Variants in DNAAF3 observed in about 807,000 individuals in gnomAD.
DNAAF3 encodes dynein axonemal assembly factor 3, also known as UPF0470 protein C19orf51.
In DNAAF3, 40 loss-of-function variants were observed where a neutral mutation model predicts 50.9. The observed-to-expected ratio is 0.79, with a 90% CI of 0.61 to 1.02. The LOEUF is 1.02. DNAAF3 is among the 50% of genes least tolerant of loss of function. DNAAF3 has a pLI of 0.00. For synonymous variants in DNAAF3, 327 were observed against 322.8 expected, an observed-to-expected ratio of 1.01 and a Z score of -0.14; for missense variants, 763 against 744.7, an observed-to-expected ratio of 1.02 and a Z score of -0.29.
intron 3 of DNAAF3, 138 bp downstream of exon 3, chr19:55,165,720 G>A (rs929916149): frequency 3.5e-6 from 5 of 1,429,956 alleles, no homozygotes; most frequent in East Asian, 2.5e-5. Flanking sequence ...AAGACGCATC[G>A]GTTCGCTCCC....
chr19:55,159,192 C>T lies in DNAAF3; in HGVS notation c.1496G>A (p.Gly499Asp), dbSNP rs199690352. 1 of 1,613,930 alleles carries T rather than the reference C, an allele frequency of 6.2e-7. No homozygotes were observed. Among genetic ancestry groups the T allele is most frequent in the East Asian group, 2.2e-5 (1 of 44,876 alleles). Residue 499 changes from glycine to aspartate, a missense_variant, in exon 12 of 12, where the codon GGT becomes GAT. By Grantham distance (94) the Gly-to-Asp change is moderately conservative. Coordinates refer to ENST00000524407, the MANE Select transcript of DNAAF3 (RefSeq NM_001256715.2). ...ALEGLTQPLQ[G>D]GTPHCEPCQL... is the part of the protein sequence containing the mutation. ...GCAGGGCTCACAGTGTGGGGTCCCA[C>T]CCTGCAGAGGCTGGGTCAGGCCCTC...
intron 4 of DNAAF3, chr19:55,162,879 ACT>A (rs779906402): frequency 5.6e-6 from 1 of 178,094 alleles, no homozygotes; most frequent in Non-Finnish European, 1.1e-5. Flanking sequence ...ATCATAGTTC[ACT>A]GTTACCTCGA....
rs2085800231 is a variant in DNAAF3 at position 55,160,382 on chromosome 19, G to T, written c.1048+258C>A. ...AGGGTGTGGGAGGCTGTCCAAGGGG[G>T]AGCTGGGACCCAGCACCCTGTGAGA... On this transcript the variant is annotated intron_variant, in intron 9 of 11. Coordinates refer to ENST00000524407, the MANE Select transcript of DNAAF3 (RefSeq NM_001256715.2). This position sits in a 1 kb window ranked among gnomAD's most constrained non-coding sequence, Gnocchi z 4.7. 6.6e-6 allele frequency among the ~76,000 whole-genome samples: 1 copy of T among 152,208 alleles called. No homozygotes were observed. The highest frequency in any genetic ancestry group is 1.5e-5 in the Non-Finnish European group (1 of 68,024).
At chr19:55,164,093 G>A (rs2085893301) in intron 4 of DNAAF3, among the ~76,000 whole-genome samples, 1 of 152,144 alleles carries the variant, frequency 6.6e-6, no homozygotes, top group Non-Finnish European at 1.5e-5. Context: ...ACAGATGCCT[G>A]CATCCCCTTC....
chr19:55,158,881 G>T lies in DNAAF3; in HGVS notation c.*181C>A. On this transcript the variant is annotated 3_prime_UTR_variant, in exon 12 of 12. Transcript: ENST00000524407. ...TCTAGAATTCTAGGAATAGACCATA[G>T]AATCTCAGAAATGGAATTTGAAAGT... The T allele has an allele frequency of 1.5e-6, 1 of 649,268 alleles. No homozygotes were observed. The allele number at this position is 649,268 out of a possible 1,614,324, so 40.2% of individuals were successfully genotyped here. A position where few individuals can be genotyped will look rare whatever the true frequency, so the allele number is the denominator to read the frequency against.
Position 55,166,063 on chromosome 19 carries a change from C to T in DNAAF3, c.86-63G>A. 6.2e-7 allele frequency: 1 copy of T among 1,613,168 alleles called. No individual in the cohort carries two copies. The highest frequency in any genetic ancestry group is 8.5e-7 in the Non-Finnish European group (1 of 1,179,676). On this transcript the variant is annotated intron_variant, in intron 2 of 11. Coordinates refer to ENST00000524407, the MANE Select transcript of DNAAF3 (RefSeq NM_001256715.2). The surrounding 1 kb of genome is among the most constrained non-coding windows in gnomAD (Gnocchi z 4.0). Reference sequence around the variant, plus strand: ...TGGCAGAGCGTCCACCGTAGCATCCCCTATAAAAAATGGACTACAAATCCC... The same window carrying T: ...TGGCAGAGCGTCCACCGTAGCATCCTCTATAAAAAATGGACTACAAATCCC...
rs1163498903 is a variant in DNAAF3 at position 55,161,824 on chromosome 19, A to C, written c.482T>G (p.Phe161Cys). The change falls in exon 6 of 12, where the codon TTC (phenylalanine) becomes TGC (cysteine). Residue 161 changes from phenylalanine to cysteine, a missense_variant and splice_region_variant. Transcript: ENST00000524407. The surrounding 1 kb of genome is among the most constrained non-coding windows in gnomAD (Gnocchi z 6.4). ...LPWLSLRALK[F>C]RERDALEAVF... Reference sequence around the variant, plus strand: ...GGCCTCCAGGGCATCCCGCTCGCGGAACTGCGGGGCCAGGCACGCGGTGGG... The same window carrying C: ...GGCCTCCAGGGCATCCCGCTCGCGGCACTGCGGGGCCAGGCACGCGGTGGG... The C allele has an allele frequency of 2.8e-6, 4 of 1,436,016 alleles. No individual in the cohort carries two copies. Among genetic ancestry groups the C allele is most frequent in the Admixed American group, 2.7e-5 (1 of 37,074 alleles). 89.0% of individuals were successfully genotyped at this position (1,436,016 alleles called of 1,614,324 possible).
Position 55,159,466 on chromosome 19 carries a change from C to T in DNAAF3, c.1239-17G>A. 1 of 1,611,204 alleles carries T rather than the reference C, an allele frequency of 6.2e-7. No homozygotes were observed. The highest frequency in any genetic ancestry group is 8.5e-7 in the Non-Finnish European group (1 of 1,177,836). On this transcript the variant is annotated splice_polypyrimidine_tract_variant and intron_variant, in intron 11 of 11. Coordinates refer to ENST00000524407, the MANE Select transcript of DNAAF3 (RefSeq NM_001256715.2). Reference sequence around the variant, plus strand: ...ACCAGGTACCTGCAGATGGGAAGCGCCCTGTCAGGGACCCAGATTTTGATC... The same window carrying T: ...ACCAGGTACCTGCAGATGGGAAGCGTCCTGTCAGGGACCCAGATTTTGATC...
In DNAAF3 at chr19:55,160,604, G is replaced by C. The variant is rs759891446; in HGVS notation, c.1048+36C>G. ...TCCAGTGTGAAACACCTGGAGGCTG[G>C]AGTCCCTGGCTTACCTGTTGTTGTC... On this transcript the variant is annotated intron_variant, in intron 9 of 11. Transcript: ENST00000524407. This position sits in a 1 kb window ranked among gnomAD's most constrained non-coding sequence, Gnocchi z 4.7. 17 of 1,612,380 alleles carry C rather than the reference G, an allele frequency of 1.1e-5. No individual in the cohort carries two copies. Among genetic ancestry groups the C allele is most frequent in the Non-Finnish European group, 1.4e-5 (17 of 1,179,878 alleles).
chr19:55,162,549 G>A, intron 4 of DNAAF3: 1 of 865,748 alleles, frequency 1.2e-6, no homozygotes, highest in Non-Finnish European at 1.5e-6. Context: ...TCATGCCATT[G>A]CACTCCAGCC....
chr19:55,165,101 C>T (rs1331014482), intron 4 of DNAAF3, among the ~76,000 whole-genome samples: 5 of 141,052 alleles, frequency 3.5e-5, no homozygotes, highest in Admixed American at 7.5e-5. Context: ...GCGATCTCAG[C>T]TCACTGCAAG....
chr19:55,158,897 A>C lies in DNAAF3; in HGVS notation c.*165T>G. The C allele has an allele frequency of 1.4e-6, 1 of 698,548 alleles. No homozygotes were observed. The highest frequency in any genetic ancestry group is 2.3e-6 in the Non-Finnish European group (1 of 441,672). 43.3% of individuals were successfully genotyped at this position (698,548 alleles called of 1,614,324 possible). On this transcript the variant is annotated 3_prime_UTR_variant, in exon 12 of 12. Transcript: ENST00000524407. ...TAGACCATAGAATCTCAGAAATGGA[A>C]TTTGAAAGTCTACCAACACTCCCGG...
In DNAAF3 at chr19:55,160,138, C is replaced by T. The variant is rs2085796678; in HGVS notation, c.1049-125G>A. On this transcript the variant is annotated intron_variant, in intron 9 of 11. Coordinates refer to ENST00000524407, the MANE Select transcript of DNAAF3 (RefSeq NM_001256715.2). This position sits in a 1 kb window ranked among gnomAD's most constrained non-coding sequence, Gnocchi z 4.7. ...AGGACTTGGAGATAACACTTTTTGT[C>T]CTCTTGCAGCTTTTTAAAAAATCCT... 4.4e-6 allele frequency: 3 copies of T among 682,186 alleles called. No individual in the cohort carries two copies. Among genetic ancestry groups the T allele is most frequent in the South Asian group, 3.5e-5 (2 of 57,084 alleles). The allele number at this position is 682,186 out of a possible 1,614,324, so 42.3% of individuals were successfully genotyped here. A position where few individuals can be genotyped will look rare whatever the true frequency, so the allele number is the denominator to read the frequency against.
rs1362483577 is a variant in DNAAF3 at position 55,161,652 on chromosome 19, A to G, written c.654T>C (p.His218=). 1 of 1,537,244 alleles carries G rather than the reference A, an allele frequency of 6.5e-7. No individual in the cohort carries two copies. Among genetic ancestry groups the G allele is most frequent in the South Asian group, 1.2e-5 (1 of 83,870 alleles). ...CTCCTGGGCCCCTCACCCCGCGGTCATGCAGCTTCATGCGCAGGTCCCAGT... is the reference window on the plus strand; with the variant it reads ...CTCCTGGGCCCCTCACCCCGCGGTCGTGCAGCTTCATGCGCAGGTCCCAGT... ...VSDWDLRMKL[H]DRGAQVIHPQ... is the part of the protein sequence containing the mutation. The change falls in exon 6 of 12, where the codon CAT becomes CAC. Residue 218 remains histidine (H), a synonymous_variant. Coordinates refer to ENST00000524407, the MANE Select transcript of DNAAF3 (RefSeq NM_001256715.2). The surrounding 1 kb of genome is among the most constrained non-coding windows in gnomAD (Gnocchi z 6.4).
Position 55,166,185 on chromosome 19 carries a change from C to G in DNAAF3, c.85+144G>C, listed in dbSNP as rs2085935762. The G allele has an allele frequency of 6.5e-7, 1 of 1,548,594 alleles. No homozygotes were observed. Among genetic ancestry groups the G allele is most frequent in the Non-Finnish European group, 8.7e-7 (1 of 1,147,474 alleles). On this transcript the variant is annotated intron_variant, in intron 2 of 11. Coordinates refer to ENST00000524407, the MANE Select transcript of DNAAF3 (RefSeq NM_001256715.2). This position sits in a 1 kb window ranked among gnomAD's most constrained non-coding sequence, Gnocchi z 4.0. ...CGCAGACAGGACCTCGGGGCTGCCC[C>G]TGGGAGCGCGCCCTCTGCCGCTGGA...
In DNAAF3 at chr19:55,166,290, A is replaced by G; in HGVS notation, c.85+39T>C. 1.2e-6 allele frequency: 2 copies of G among 1,605,278 alleles called. No homozygotes were observed. The highest frequency in any genetic ancestry group is 2.2e-5 in the East Asian group (1 of 44,628). On this transcript the variant is annotated intron_variant, in intron 2 of 11. Coordinates refer to ENST00000524407, the MANE Select transcript of DNAAF3 (RefSeq NM_001256715.2). This position sits in a 1 kb window ranked among gnomAD's most constrained non-coding sequence, Gnocchi z 4.0. ...AAAAGGCCGTCTGCTCAGGCTGGGA[A>G]GGCAGACGGTGTATCAGACCTTGCG...
intron 10 of DNAAF3, 44 bp downstream of exon 10, chr19:55,159,855 G>C (rs2085788594): frequency 6.3e-7 from 1 of 1,599,360 alleles, no homozygotes; most frequent in Admixed American, 1.7e-5. Flanking sequence ...GGGGCTGGGG[G>C]CCTGATCCTG....
In DNAAF3 at chr19:55,159,970, G is replaced by A. The variant is rs375488463; in HGVS notation, c.1092C>T (p.Leu364=). Reference sequence around the variant, plus strand: ...TGTGGTGGAGAGTCTGAGCAGAATTGAGCGGCAGGAAGTGGACGGTGAAAG... The same window carrying A: ...TGTGGTGGAGAGTCTGAGCAGAATTAAGCGGCAGGAAGTGGACGGTGAAAG... ...PESFTVHFLP[L]NSAQTLHHKS... Residue 364 remains leucine (L), a synonymous_variant, in exon 10 of 12, where the codon CTC becomes CTT. Transcript: ENST00000524407. The A allele has an allele frequency of 6.2e-7, 1 of 1,613,962 alleles. No individual in the cohort carries two copies. The highest frequency in any genetic ancestry group is 8.5e-7 in the Non-Finnish European group (1 of 1,180,008).
intron 10 of DNAAF3, 128 bp downstream of exon 10, chr19:55,159,771 G>A: frequency 1.0e-6 from 1 of 983,268 alleles, no homozygotes; most frequent in Non-Finnish European, 1.2e-6. Context: ...TGAGGGAGGA[G>A]GGGCTGGGGG....
Sources: allele counts gnomAD v4.1 joint callset (sites outside exome capture counted in the v4.1 genomes callset), GRCh38; gene constraint gnomAD v4.1.1; non-coding constraint Gnocchi (gnomAD v3.1); transcripts MANE v1.5; gene names NCBI Gene and HGNC (gene_info 2026-07-23, HGNC 2026-07-21).